DDX3X: variants seen among roughly 807,000 people sequenced by gnomAD.
DDX3X encodes the protein DEAD-box helicase 3 X-linked, also known as ATP-dependent RNA helicase DDX3X.
In DDX3X, 4 loss-of-function variants were observed where a neutral mutation model predicts 52.7. The ratio of observed to expected loss-of-function variants is 0.08; its 90% CI spans 0.04 to 0.17. The LOEUF is 0.17. Among genes scored for constraint, DDX3X ranks in the 10% least tolerant of loss-of-function variants. The probability of loss-of-function intolerance (pLI) is 1.00; values close to 1 mark genes in which losing one functional copy is unlikely to be tolerated. For missense variants in DDX3X, 222 were observed against 548.6 expected (o/e 0.40, Z 5.95); for synonymous variants, 192 against 178.1 (o/e 1.08, Z -0.62).
At chrX:41,340,830 A>G (rs770531265) in intron 3 of DDX3X, 1 of 295,485 alleles carries the variant, frequency 3.4e-6, no homozygotes, top group South Asian at 2.0e-4. Context: ...TGTTTTTCCT[A>G]GTAAACTCAT....
In DDX3X at chrX:41,347,392, G is replaced by A. The variant is rs2063940710; in HGVS notation, c.1850G>A (p.Arg617His). 1.7e-6 allele frequency: 2 copies of A among 1,209,988 alleles called. No individual in the cohort carries two copies. The highest frequency in any genetic ancestry group is 1.7e-5 in the African/African-American group (1 of 57,227). The part of the protein sequence containing the change: ...GASSSSFSSS[R>H]ASSSRSGGGG... ...AGCAGTTCCAGCTTCAGCAGCAGCC[G>A]CGCAAGCAGCAGCCGCAGTGGCGGA... The change falls in exon 16 of 17, where the codon CGC (arginine) becomes CAC (histidine). Residue 617 changes from arginine to histidine, a missense_variant. By Grantham distance (29) the Arg-to-His change is conservative. Coordinates refer to ENST00000644876, the MANE Select transcript of DDX3X (RefSeq NM_001356.5).
intron 5 of DDX3X, among the ~76,000 whole-genome samples, chrX:41,362,478 C>G (rs2064033445): frequency 9.0e-6 from 1 of 111,294 alleles, no homozygotes; most frequent in South Asian, 3.7e-4. Context: ...CTATACAAGA[C>G]TCCTGCCAAC....
Position 41,342,593 on chromosome X carries a change from G to A in DDX3X, c.383G>A (p.Cys128Tyr). 4 of 1,212,058 alleles carry A rather than the reference G, an allele frequency of 3.3e-6. No homozygotes were observed. Among genetic ancestry groups the A allele is most frequent in the South Asian group, 1.8e-5 (1 of 57,013 alleles). Residue 128 changes from cysteine to tyrosine, a missense_variant, in exon 5 of 17, where the codon TGT (cysteine) becomes TAT (tyrosine). Around this residue, in one of 5 missense-constraint regions of DDX3X, gnomAD observed 93 missense variants for 123.7 expected, o/e 0.75. Transcript: ENST00000644876. ...KFERGGNSRWCDKSDEDDWSK... is the reference protein window; with the variant it reads ...KFERGGNSRWYDKSDEDDWSK... Reference sequence around the variant, plus strand: ...GAACGTGGTGGAAACAGTCGCTGGTGTGACAAATCAGATGAAGATGATTGG... The same window carrying A: ...GAACGTGGTGGAAACAGTCGCTGGTATGACAAATCAGATGAAGATGATTGG...
chrX:41,358,045 C>T (rs975224528), intron 5 of DDX3X: 2 of 143,315 alleles, frequency 1.4e-5, no homozygotes, highest in Non-Finnish European at 1.3e-5. Context: ...GGTTTCCTAT[C>T]TGGGACAGAG....
At chrX:41,344,179 T>A (rs770973350) in intron 9 of DDX3X, 51 bp downstream of exon 9, 1 of 1,188,587 alleles carries the variant, frequency 8.4e-7, no homozygotes, top group East Asian at 3.0e-5. Flanking sequence ...TCTAATTAAA[T>A]GTTTTATGAA....
chrX:41,350,790 T>G (rs757177428), downstream of DDX3X: 2 of 111,873 alleles, frequency 1.8e-5, no homozygotes, highest in African/African-American at 6.5e-5. Context: ...ACATCTATGC[T>G]TACTGTACAC....
intron 14 of DDX3X, 46 bp from the exon 15 acceptor site, chrX:41,346,813 T>C (rs2063931721): frequency 8.9e-7 from 1 of 1,123,585 alleles, no homozygotes; most frequent in African/African-American, 1.8e-5. Flanking sequence ...AGCAAGTTAC[T>C]TTATGGAAGA....
In DDX3X at chrX:41,334,685, G is replaced by A. The variant is rs913871478; in HGVS notation, c.45+388G>A. 1.1e-5 allele frequency: 11 copies of A among 1,020,741 alleles called. No homozygotes were observed. The African/African-American group carries it at 1.7e-4, about 16-fold the overall frequency. The allele number at this position is 1,020,741 out of a possible 1,213,427, so 84.1% of individuals were successfully genotyped here. ...ACTGGAGGCCCTTTTGGCTTGGAGG[G>A]CTTCGGCCTTCACGGCTGGCGCAGC... On this transcript the variant is annotated intron_variant, in intron 1 of 16. Coordinates refer to ENST00000644876, the MANE Select transcript of DDX3X (RefSeq NM_001356.5).
intron 1 of DDX3X, 88 bp downstream of exon 1, chrX:41,334,385 C>T: frequency 8.7e-7 from 1 of 1,152,160 alleles, no homozygotes; most frequent in Non-Finnish European, 1.2e-6. Context: ...TAACCGGCAC[C>T]CTTACTTTTC....
rs774166436 is a variant in DDX3X, at chrX:41,345,383, TA to T, written c.1171-16del. 2 of 1,195,324 alleles carry T rather than the reference TA, an allele frequency of 1.7e-6. No individual in the cohort carries two copies. The highest frequency in any genetic ancestry group is 3.6e-5 in the African/African-American group (2 of 56,064). On this transcript the variant is annotated intron_variant, in intron 11 of 16. Coordinates refer to ENST00000644876, the MANE Select transcript of DDX3X (RefSeq NM_001356.5). ...GAAATTTGTTTATCTCAGGTAATAA[TA>T]AAAATTTTTTTTCTTTCAGATGCTG... is the stretch of plus-strand genomic sequence containing the variant.
rs2063948355 is a variant in DDX3X, at chrX:41,348,054, A to C, written c.*335A>C. ...TGCCTTTAACTTTAGACAACTTTTT[A>C]TTTTGATGTCCTGTTGGCTCAGTAA... On this transcript the variant is annotated 3_prime_UTR_variant, in exon 17 of 17. Coordinates refer to ENST00000644876, the MANE Select transcript of DDX3X (RefSeq NM_001356.5). The C allele has an allele frequency of 6.6e-6, 2 of 302,684 alleles. No homozygotes were observed. The highest frequency in any genetic ancestry group is 5.7e-6 in the Non-Finnish European group (1 of 174,408). 24.9% of individuals were successfully genotyped at this position (302,684 alleles called of 1,213,427 possible).
At chrX:41,335,820 C>G (rs756975188) in intron 1 of DDX3X, 3 of 112,315 alleles carry the variant, frequency 2.7e-5, no homozygotes, top group African/African-American at 6.5e-5. Context: ...TAACAACCTA[C>G]CAGCAGCACA....
chrX:41,364,285 T>G (rs1468979794), exon 6 of DDX3X: 3 of 295,431 alleles, frequency 1.0e-5, no homozygotes, highest in Non-Finnish European at 1.8e-5. Flanking sequence ...ACTTGGAGCG[T>G]GATGCCCAGA....
intron 7 of DDX3X, 96 bp downstream of exon 7, chrX:41,343,447 C>T (rs1337357149): frequency 1.2e-5 from 9 of 764,022 alleles, no homozygotes; most frequent in Non-Finnish European, 1.5e-5. Flanking sequence ...AGTTTTGCAG[C>T]TGCTCTGCGC....
chrX:41,335,667 T>C (rs1395008967), intron 1 of DDX3X: 1 of 112,290 alleles, frequency 8.9e-6, no homozygotes, highest in South Asian at 3.7e-4. Context: ...TGGCACAAAT[T>C]AATTGAATAC....
chrX:41,349,644 A>G lies in DDX3X; in HGVS notation c.*1925A>G, dbSNP rs1254933570. 8.9e-6 allele frequency: 1 copy of G among 112,348 alleles called. No individual in the cohort carries two copies. The highest frequency in any genetic ancestry group is 3.2e-5 in the African/African-American group (1 of 30,870). 9.3% of individuals were successfully genotyped at this position (112,348 alleles called of 1,213,427 possible). On this transcript the variant is annotated 3_prime_UTR_variant, in exon 17 of 17. Coordinates refer to ENST00000644876, the MANE Select transcript of DDX3X (RefSeq NM_001356.5). ...ATGTTGAATGTCACCGTATGCGTGA[A>G]ATTATATATTTCGGGGTAGTGTGAG...
At chrX:41,356,863 C>T (rs1825394936) in intron 5 of DDX3X, among the ~76,000 whole-genome samples, 1 of 108,547 alleles carries the variant, frequency 9.2e-6, no homozygotes, top group Non-Finnish European at 1.9e-5. Context: ...TTTCTAGGTT[C>T]ACAATTCCGT....
chrX:41,349,402 A>T lies in DDX3X; in HGVS notation c.*1683A>T, dbSNP rs1273994778. ...TGAACGCAGCTTGTCTAGGAAGGGGATGGGACTAGATTCTAAAATTTATTT... is the reference window on the plus strand; with the variant it reads ...TGAACGCAGCTTGTCTAGGAAGGGGTTGGGACTAGATTCTAAAATTTATTT... On this transcript the variant is annotated 3_prime_UTR_variant, in exon 17 of 17. Transcript: ENST00000644876. The T allele has an allele frequency of 9.0e-6, 1 of 111,667 alleles. No homozygotes were observed. The highest frequency in any genetic ancestry group is 2.8e-4 in the East Asian group (1 of 3,600). 9.2% of individuals were successfully genotyped at this position (111,667 alleles called of 1,213,427 possible).
downstream of DDX3X, among the ~76,000 whole-genome samples, chrX:41,354,109 A>G (rs1226352784): frequency 9.0e-6 from 1 of 111,164 alleles, no homozygotes; most frequent in Non-Finnish European, 1.9e-5. Flanking sequence ...CAAAAACAAG[A>G]GAGGTTCCAC....
Sources: gnomAD v4.1 joint callset for allele counts (sites outside exome capture counted in the v4.1 genomes callset) on GRCh38, gnomAD v4.1.1 for gene constraint, gnomAD v4.1.1 regional missense constraint, MANE v1.5 for transcripts, NCBI Gene and HGNC (gene_info 2026-07-23, HGNC 2026-07-21) for gene names.